The following SUCLG2 variants were observed in gnomAD, a reference collection of about 807,000 sequenced individuals.
SUCLG2 encodes the protein succinate-CoA ligase GDP-forming subunit beta, also known as succinate--CoA ligase [GDP-forming] subunit beta, mitochondrial.
SUCLG2 carries 42 observed loss-of-function variants against 47.9 expected under a neutral mutation model. That is an observed-to-expected ratio of 0.88 (90% CI 0.69 to 1.14). The LOEUF is 1.14. Among genes scored for constraint, SUCLG2 ranks in the 50% most tolerant of loss-of-function variants. The pLI is 0.00. For synonymous variants in SUCLG2, 195 were observed against 197.3 expected (o/e 0.99, Z 0.10); for missense variants, 571 against 525.9 (o/e 1.09, Z -0.84).
intron 1 of SUCLG2, among the ~76,000 whole-genome samples, chr3:67,644,593 A>T (rs1009275219): frequency 2.6e-5 from 4 of 152,110 alleles, no homozygotes; most frequent in African/African-American, 7.2e-5. Flanking sequence ...ATATATAACA[A>T]TGTCCGAGTA....
At chr3:67,402,344 T>G (rs983319665) in intron 9 of SUCLG2, among the ~76,000 whole-genome samples, 6 of 152,238 alleles carry the variant, frequency 3.9e-5, no homozygotes, top group African/African-American at 1.2e-4. Flanking sequence ...AGACTGCAGC[T>G]CATGTTGAAT....
At chr3:67,428,040 G>A (rs750441158) in intron 9 of SUCLG2, among the ~76,000 whole-genome samples, 8 of 152,216 alleles carry the variant, frequency 5.3e-5, no homozygotes, top group African/African-American at 7.2e-5. Flanking sequence ...TCTGGGGGCC[G>A]GGCATAGCTG....
At chr3:67,598,850 A>G (rs989708044) in intron 2 of SUCLG2, among the ~76,000 whole-genome samples, 1 of 152,188 alleles carries the variant, frequency 6.6e-6, no homozygotes, top group Non-Finnish European at 1.5e-5. Flanking sequence ...CAGATGAGGA[A>G]ATGGAGCCTT....
At chr3:67,504,114 C>G (rs1483771772) in intron 7 of SUCLG2, among the ~76,000 whole-genome samples, 4 of 152,174 alleles carry the variant, frequency 2.6e-5, no homozygotes, top group Non-Finnish European at 5.9e-5. Context: ...TTGAAACACG[C>G]CTTGCCAAAA....
intron 9 of SUCLG2, among the ~76,000 whole-genome samples, chr3:67,412,922 C>A (rs1205861285): frequency 6.6e-6 from 1 of 152,140 alleles, no homozygotes; most frequent in Non-Finnish European, 1.5e-5. Context: ...TCCATTCAAC[C>A]TTCTAGAACT....
At chr3:67,449,349 A>ATGTC (rs1307414091) in intron 9 of SUCLG2, among the ~76,000 whole-genome samples, 1 of 152,236 alleles carries the variant, frequency 6.6e-6, no homozygotes, top group Non-Finnish European at 1.5e-5. Flanking sequence ...ACATGCAGAC[A>ATGTC]GGCAGTCACT....
rs141687089 is a variant in SUCLG2 at position 67,605,663 on chromosome 3, T to G, written c.226+3792A>C. 1.2e-3 allele frequency among the ~76,000 whole-genome samples: 185 copies of G among 152,146 alleles called. 1 individual carries two copies. Among genetic ancestry groups the G allele is most frequent in the African/African-American group, 4.3e-3 (178 of 41,520 alleles). ...TAGATATGCACTGGTGAAACCTGCATGCACACACACTCACACACTCCTATA... is the reference window on the plus strand; with the variant it reads ...TAGATATGCACTGGTGAAACCTGCAGGCACACACACTCACACACTCCTATA... On this transcript the variant is annotated intron_variant, in intron 2 of 10. Coordinates refer to ENST00000307227, the MANE Select transcript of SUCLG2 (RefSeq NM_003848.4).
chr3:67,558,610 C>G lies in SUCLG2; in HGVS notation c.227-29424G>C, dbSNP rs181782825. On this transcript the variant is annotated intron_variant, in intron 2 of 10. Coordinates refer to ENST00000307227, the MANE Select transcript of SUCLG2 (RefSeq NM_003848.4). The stretch of plus-strand genomic sequence containing the variant: ...TTGAGTTGAAAAGAATAGTTTGTCT[C>G]CTTCAGAAACAGATGATTTCCGGTA... Among the ~76,000 whole-genome samples the G allele has an allele frequency of 1.8e-3, 267 of 152,298 alleles. 1 individual carries two copies. Among genetic ancestry groups the G allele is most frequent in the African/African-American group, 6.2e-3 (256 of 41,566 alleles).
chr3:67,640,050 T>G (rs1306633211), intron 1 of SUCLG2, among the ~76,000 whole-genome samples: 1 of 152,216 alleles, frequency 6.6e-6, no homozygotes, highest in Non-Finnish European at 1.5e-5. Context: ...ATAAAAGGGA[T>G]TCAATTCTGA....
intron 10 of SUCLG2, among the ~76,000 whole-genome samples, chr3:67,390,531 G>A (rs776530533): frequency 6.6e-6 from 1 of 152,190 alleles, no homozygotes; most frequent in Non-Finnish European, 1.5e-5. Context: ...AACTGAGACA[G>A]AGGATTATTT....
At chr3:67,535,351 G>C (rs1706511194) in intron 2 of SUCLG2, among the ~76,000 whole-genome samples, 1 of 151,914 alleles carries the variant, frequency 6.6e-6, no homozygotes, top group African/African-American at 2.4e-5. Flanking sequence ...GGAGTCCCCA[G>C]CCAGCCAAGC....
At chr3:67,380,685 G>A (rs1702138605) in intron 10 of SUCLG2, among the ~76,000 whole-genome samples, 1 of 85,134 alleles carries the variant, frequency 1.2e-5, no homozygotes, top group South Asian at 5.1e-4. Flanking sequence ...GGGAAAGGGG[G>A]GTAGAGAGAG....
At chr3:67,529,230 T>G (rs1236264100) in intron 2 of SUCLG2, 44 bp from the exon 3 acceptor site, 1 of 1,530,730 alleles carries the variant, frequency 6.5e-7, no homozygotes, top group African/African-American at 1.4e-5. Flanking sequence ...TTTAAATTCT[T>G]TTTTTGTTTT....
chr3:67,627,018 T>TA lies in SUCLG2; in HGVS notation c.85-17423dup, dbSNP rs200879554. On this transcript the variant is annotated intron_variant, in intron 1 of 10. Transcript: ENST00000307227. ...TAGAAGTTTGAAATGTTTTTGTTTT[T>TA]AAAAAAGGACTAGAGATGGGTTGAA... Among the ~76,000 whole-genome samples the TA allele has an allele frequency of 6.9e-3, 1,044 of 152,112 alleles. 11 individuals carry two copies. The highest frequency in any genetic ancestry group is 0.024 in the African/African-American group (986 of 41,482).
downstream of SUCLG2, among the ~76,000 whole-genome samples, chr3:67,371,822 A>G (rs1701959465): frequency 6.6e-6 from 1 of 152,182 alleles, no homozygotes; most frequent in African/African-American, 2.4e-5. Context: ...ACCAAGTTTC[A>G]ATCCTGACTC....
intron 9 of SUCLG2, among the ~76,000 whole-genome samples, chr3:67,441,111 C>G (rs1366296986): frequency 2.0e-5 from 3 of 151,964 alleles, no homozygotes; most frequent in African/African-American, 7.3e-5. Context: ...TCATTCTCAG[C>G]AAACTAACAC....
chr3:67,550,182 C>T (rs1706976690), intron 2 of SUCLG2, among the ~76,000 whole-genome samples: 1 of 152,318 alleles, frequency 6.6e-6, no homozygotes, highest in Non-Finnish European at 1.5e-5. Context: ...ATGCGGGTAA[C>T]ATGATTGGTC....
At chr3:67,589,259 A>G (rs1274165170) in intron 2 of SUCLG2, among the ~76,000 whole-genome samples, 1 of 152,092 alleles carries the variant, frequency 6.6e-6, no homozygotes, top group African/African-American at 2.4e-5. Flanking sequence ...ACCCTCTTTT[A>G]TATTATTCAT....
chr3:67,553,005 A>G (rs1399656952), intron 2 of SUCLG2, among the ~76,000 whole-genome samples: 2 of 152,218 alleles, frequency 1.3e-5, no homozygotes, highest in African/African-American at 4.8e-5. Context: ...TTTAGAAATT[A>G]TTGTCATCAA....
Sources: gnomAD v4.1 joint callset for allele counts (sites outside exome capture counted in the v4.1 genomes callset) on GRCh38, gnomAD v4.1.1 for gene constraint, MANE v1.5 for transcripts, NCBI Gene and HGNC (gene_info 2026-07-23, HGNC 2026-07-21) for gene names.